SGCZ: variants seen among roughly 807,000 people sequenced by gnomAD.
The protein encoded by SGCZ is zeta-sarcoglycan.
Under a neutral mutation model 41.3 loss-of-function variants are expected in SGCZ, and 40 were observed. That is an observed-to-expected ratio of 0.97 (90% CI 0.75 to 1.26). The LOEUF (loss-of-function observed/expected upper bound fraction) is 1.26, where lower values mean the gene tolerates loss of function less well. Among genes scored for constraint, SGCZ ranks in the 50% most tolerant of loss-of-function variants. The probability of loss-of-function intolerance (pLI) is 0.00; values close to 1 mark genes in which losing one functional copy is unlikely to be tolerated. For missense variants in SGCZ, 552 were observed against 369.8 expected, an observed-to-expected ratio of 1.49 and a Z score of -4.04; for synonymous variants, 206 against 137.5, an observed-to-expected ratio of 1.50 and a Z score of -3.49.
intron 5 of SGCZ, among the ~76,000 whole-genome samples, chr8:14,135,169 G>A (rs193071578): frequency 6.6e-6 from 1 of 152,052 alleles, no homozygotes; most frequent in South Asian, 2.1e-4. Flanking sequence ...GAATATAATA[G>A]AGTACTAGGC....
intron 1 of SGCZ, among the ~76,000 whole-genome samples, chr8:15,000,975 A>ACTT: frequency 6.6e-6 from 1 of 152,196 alleles, no homozygotes; most frequent in African/African-American, 2.4e-5. Context: ...ACTCAAGACA[A>ACTT]CATAGCCACT....
chr8:14,257,899 T>A (rs181681383), intron 3 of SGCZ, among the ~76,000 whole-genome samples: 1 of 152,304 alleles, frequency 6.6e-6, no homozygotes, highest in Non-Finnish European at 1.5e-5. Context: ...TATTTGAAAC[T>A]GGAAAGATAT....
chr8:15,125,354 C>CG (rs1807640765), intron 1 of SGCZ, among the ~76,000 whole-genome samples: 2 of 152,160 alleles, frequency 1.3e-5, no homozygotes, highest in South Asian at 2.1e-4. Context: ...CTGGACGCTG[C>CG]AGTTCCAGAC....
Position 14,866,261 on chromosome 8 carries a change from TTA to T in SGCZ, c.40-311337_40-311336del, listed in dbSNP as rs544870880. Among the ~76,000 whole-genome samples, 10 of 152,260 alleles carry T rather than the reference TTA, an allele frequency of 6.6e-5. No homozygotes were observed. In the South Asian group the frequency reaches 8.3e-4, roughly 13 times the overall value. On this transcript the variant is annotated intron_variant, in intron 1 of 7. Transcript: ENST00000382080. ...GTCTAAGTGATAATTTTTTAAAAGT[TTA>T]TTGTGAAGTTTGCTGTATTTAAAAT...
At chr8:14,570,545 A>T (rs985188435) in intron 1 of SGCZ, among the ~76,000 whole-genome samples, 2 of 152,216 alleles carry the variant, frequency 1.3e-5, no homozygotes, top group African/African-American at 4.8e-5. Flanking sequence ...ATATTTTTTC[A>T]TAGAGCTTTT....
chr8:14,102,226 G>A (rs1296849349), intron 7 of SGCZ, 150 bp downstream of exon 7: 1 of 862,866 alleles, frequency 1.2e-6, no homozygotes, highest in Non-Finnish European at 1.6e-6. Flanking sequence ...TATGAGATAT[G>A]GTAACCTAAT....
chr8:14,927,629 GAA>G lies in SGCZ; in HGVS notation c.39+309954_39+309955del, dbSNP rs375260898. 4.1e-3 allele frequency among the ~76,000 whole-genome samples: 623 copies of G among 152,018 alleles called. 6 individuals are homozygous for G. The highest frequency in any genetic ancestry group is 0.017 in the South Asian group (84 of 4,806). On this transcript the variant is annotated intron_variant, in intron 1 of 7. Transcript: ENST00000382080. Reference sequence around the variant, plus strand: ...GAGGAAGGAGGCAGAGAGGTAGGAAGAAAAAGATCCAGAAATATATTTATTTG... The same window carrying G: ...GAGGAAGGAGGCAGAGAGGTAGGAAGAAAGATCCAGAAATATATTTATTTG...
intron 1 of SGCZ, among the ~76,000 whole-genome samples, chr8:15,062,187 G>A (rs2131012812): frequency 6.6e-6 from 1 of 152,056 alleles, no homozygotes; most frequent in South Asian, 2.1e-4. Context: ...CACTTTAAAA[G>A]CATTAAGTTT....
chr8:14,138,195 A>G (rs1421218200), intron 5 of SGCZ, among the ~76,000 whole-genome samples: 1 of 152,216 alleles, frequency 6.6e-6, no homozygotes, highest in African/African-American at 2.4e-5. Flanking sequence ...CAACATGGAA[A>G]GGAACAACCA....
intron 1 of SGCZ, among the ~76,000 whole-genome samples, chr8:14,679,165 A>T (rs1808364391): frequency 6.6e-6 from 1 of 152,164 alleles, no homozygotes; most frequent in African/African-American, 2.4e-5. Flanking sequence ...TATCACATAC[A>T]ATTACTTACA....
chr8:14,516,023 T>G (rs184706800), intron 2 of SGCZ, among the ~76,000 whole-genome samples: 1 of 152,178 alleles, frequency 6.6e-6, no homozygotes, highest in African/African-American at 2.4e-5. Context: ...AATTACATGT[T>G]AAATTCACTG....
At chr8:14,873,055 G>C (rs967127901) in intron 1 of SGCZ, among the ~76,000 whole-genome samples, 11 of 152,090 alleles carry the variant, frequency 7.2e-5, no homozygotes, top group African/African-American at 2.4e-4. Flanking sequence ...AAGTTAGAAG[G>C]AGTCAGGTTT....
intron 2 of SGCZ, among the ~76,000 whole-genome samples, chr8:14,452,814 G>A (rs1316660209): frequency 6.6e-6 from 1 of 152,040 alleles, no homozygotes; most frequent in African/African-American, 2.4e-5. Context: ...AAAAAGAAGA[G>A]TAAGGGGCCG....
chr8:14,942,003 T>C (rs1200144543), intron 1 of SGCZ, among the ~76,000 whole-genome samples: 1 of 152,006 alleles, frequency 6.6e-6, no homozygotes, highest in African/African-American at 2.4e-5. Flanking sequence ...ATATTGGAAT[T>C]TGGCTAATAG....
chr8:15,005,358 T>C (rs1239204743), intron 1 of SGCZ, among the ~76,000 whole-genome samples: 1 of 126,994 alleles, frequency 7.9e-6, no homozygotes, highest in Non-Finnish European at 1.7e-5. Flanking sequence ...TGACATGGAG[T>C]TTCATTCTTG....
At chr8:14,930,106 T>C (rs1015238214) in intron 1 of SGCZ, among the ~76,000 whole-genome samples, 11 of 152,110 alleles carry the variant, frequency 7.2e-5, no homozygotes, top group African/African-American at 2.7e-4. Context: ...TCATATGATA[T>C]TGTGAATTAA....
intron 2 of SGCZ, among the ~76,000 whole-genome samples, chr8:14,549,131 A>G (rs1457010668): frequency 6.6e-6 from 1 of 151,668 alleles, no homozygotes; most frequent in African/African-American, 2.4e-5. Flanking sequence ...GAAAATAGCG[A>G]CTTTAAGTAA....
chr8:14,925,484 C>T (rs1799718788), intron 1 of SGCZ, among the ~76,000 whole-genome samples: 1 of 152,132 alleles, frequency 6.6e-6, no homozygotes, highest in South Asian at 2.1e-4. Flanking sequence ...TAATTTATAA[C>T]AAGATGCTTC....
chr8:14,321,862 TATTGA>T (rs1329694080), intron 3 of SGCZ, among the ~76,000 whole-genome samples: 1 of 152,144 alleles, frequency 6.6e-6, no homozygotes, highest in African/African-American at 2.4e-5. Context: ...CTGCTTTCAT[TATTGA>T]AATGTTTGTG....
Sources: allele counts gnomAD v4.1 joint callset (sites outside exome capture counted in the v4.1 genomes callset), GRCh38; gene constraint gnomAD v4.1.1; transcripts MANE v1.5; gene names NCBI Gene and HGNC (gene_info 2026-07-23, HGNC 2026-07-21).